Variants in HOMER1 observed in about 807,000 individuals in gnomAD.
HOMER1 encodes homer scaffold protein 1.
In HOMER1, 3 loss-of-function variants were observed where a neutral mutation model predicts 48.9. The observed-to-expected ratio is 0.06, with a 90% confidence interval of 0.03 to 0.16. HOMER1 has a LOEUF of 0.16. Ranked by LOEUF, HOMER1 falls within the 10% of genes least tolerant of loss-of-function variation. The pLI is 1.00. For synonymous variants in HOMER1, 134 were observed against 146.4 expected (o/e 0.92, Z 0.61); for missense variants, 247 against 411.4 (o/e 0.60, Z 3.46).
chr5:79,498,466 A>G (rs756020750), intron 1 of HOMER1, among the ~76,000 whole-genome samples: 2 of 152,236 alleles, frequency 1.3e-5, no homozygotes, highest in Non-Finnish European at 2.9e-5. Flanking sequence ...AGTTGCTAGT[A>G]GGAACTCAAA....
intron 1 of HOMER1, among the ~76,000 whole-genome samples, chr5:79,472,195 A>G (rs939504443): frequency 6.6e-6 from 1 of 152,234 alleles, no homozygotes; most frequent in African/African-American, 2.4e-5. Flanking sequence ...TAGTAAATGA[A>G]TGAATGCTTA....
intron 1 of HOMER1, among the ~76,000 whole-genome samples, chr5:79,500,956 A>T (rs575643213): frequency 0.029 from 1,843 of 62,936 alleles, 26 homozygotes; most frequent in African/African-American, 0.062. Flanking sequence ...TGTGTGTGAG[A>T]CAGACAGACA....
chr5:79,455,067 G>C (rs956435041), intron 2 of HOMER1, among the ~76,000 whole-genome samples: 1 of 151,416 alleles, frequency 6.6e-6, no homozygotes, highest in African/African-American at 2.4e-5. Context: ...AGTCTCCTGA[G>C]TAGCTAGGAC....
chr5:79,481,501 G>A (rs540196759), intron 1 of HOMER1, among the ~76,000 whole-genome samples: 1 of 152,288 alleles, frequency 6.6e-6, no homozygotes, highest in East Asian at 1.9e-4. Flanking sequence ...GGAGAGGTAA[G>A]GCAGCTAGAA....
intron 4 of HOMER1, among the ~76,000 whole-genome samples, chr5:79,444,372 T>C (rs546871729): frequency 6.6e-6 from 1 of 152,266 alleles, no homozygotes; most frequent in East Asian, 1.9e-4. Flanking sequence ...GGCTGATAAA[T>C]GCTTTTTAAA....
intron 1 of HOMER1, among the ~76,000 whole-genome samples, chr5:79,469,049 T>C (rs978450884): frequency 6.6e-6 from 1 of 152,168 alleles, no homozygotes; most frequent in Non-Finnish European, 1.5e-5. Context: ...TCAAACGACA[T>C]CTCATATATC....
intron 6 of HOMER1, among the ~76,000 whole-genome samples, chr5:79,399,277 G>T (rs1452709957): frequency 6.6e-6 from 1 of 152,164 alleles, no homozygotes; most frequent in Non-Finnish European, 1.5e-5. Flanking sequence ...CTGCAGTCTG[G>T]CTGCATTGCT....
chr5:79,399,599 A>G (rs1749482105), intron 6 of HOMER1, among the ~76,000 whole-genome samples: 1 of 152,190 alleles, frequency 6.6e-6, no homozygotes, highest in Admixed American at 6.5e-5. Context: ...AATTCTAACA[A>G]AGCATAAGTA....
Position 79,451,556 on chromosome 5 carries a change from C to CTTTTT in HOMER1, c.163-440_163-436dup, listed in dbSNP as rs71615542. Among the ~76,000 whole-genome samples the CTTTTT allele has an allele frequency of 7.4e-4, 48 of 64,640 alleles. 9 individuals are homozygous for CTTTTT. The highest frequency in any genetic ancestry group is 2.3e-3 in the African/African-American group (25 of 10,852). 42.4% of individuals were successfully genotyped at this position (64,640 alleles called of 152,430 possible). On this transcript the variant is annotated intron_variant, in intron 2 of 8. Coordinates refer to ENST00000334082, the MANE Select transcript of HOMER1 (RefSeq NM_004272.5). Reference sequence around the variant, plus strand: ...GAAAATATGCATAGAAAATATGACACTTTTTTTTTTTTTTTTTTTTTTTTT... The same window carrying CTTTTT: ...GAAAATATGCATAGAAAATATGACACTTTTTTTTTTTTTTTTTTTTTTTTTTTTTT...
intron 8 of HOMER1, among the ~76,000 whole-genome samples, chr5:79,393,246 A>G (rs1749298934): frequency 6.6e-6 from 1 of 152,212 alleles, no homozygotes; most frequent in South Asian, 2.1e-4. Flanking sequence ...AGCTAGTGAT[A>G]AGTACTAAAA....
chr5:79,419,650 T>A (rs543368761), intron 5 of HOMER1, among the ~76,000 whole-genome samples: 1 of 152,112 alleles, frequency 6.6e-6, no homozygotes, highest in South Asian at 2.1e-4. Context: ...TCTTCAAGAA[T>A]AATATTAAAA....
At chr5:79,472,750 G>C (rs1751657987) in intron 1 of HOMER1, among the ~76,000 whole-genome samples, 1 of 151,968 alleles carries the variant, frequency 6.6e-6, no homozygotes, top group Admixed American at 6.6e-5. Context: ...CTATACTCCA[G>C]CCTGGGCAAC....
chr5:79,437,905 C>T (rs1258764916), intron 5 of HOMER1, among the ~76,000 whole-genome samples: 1 of 152,182 alleles, frequency 6.6e-6, no homozygotes, highest in Non-Finnish European at 1.5e-5. Flanking sequence ...GATCCTCCTA[C>T]CTCAGCTTCC....
At chr5:79,427,577 C>T (rs767016579) in intron 5 of HOMER1, among the ~76,000 whole-genome samples, 1 of 152,178 alleles carries the variant, frequency 6.6e-6, no homozygotes, top group East Asian at 1.9e-4. Context: ...TTGGTAGAGA[C>T]GGGGTTTTGC....
chr5:79,383,218 A>G (rs1749025489), intron 8 of HOMER1, among the ~76,000 whole-genome samples: 1 of 152,104 alleles, frequency 6.6e-6, no homozygotes, highest in African/African-American at 2.4e-5. Context: ...CATAAAGTAA[A>G]TATTACTAGA....
intron 2 of HOMER1, 121 bp downstream of exon 2, chr5:79,456,741 G>C: frequency 2.3e-6 from 2 of 873,650 alleles, no homozygotes; most frequent in Non-Finnish European, 3.4e-6. Context: ...TTTCTTAAAA[G>C]TTTTAAGAAC....
intron 1 of HOMER1, among the ~76,000 whole-genome samples, chr5:79,472,782 A>C (rs892400697): frequency 6.6e-6 from 1 of 152,002 alleles, no homozygotes. Flanking sequence ...CTGTCTCTAA[A>C]AAAAATGTTT....
At chr5:79,488,360 T>C (rs1402098358) in intron 1 of HOMER1, among the ~76,000 whole-genome samples, 1 of 152,230 alleles carries the variant, frequency 6.6e-6, no homozygotes, top group Non-Finnish European at 1.5e-5. Flanking sequence ...CAATCCACTA[T>C]CCTTTTCCTC....
intron 1 of HOMER1, chr5:79,510,780 G>A: frequency 1.3e-6 from 1 of 757,244 alleles, no homozygotes; most frequent in East Asian, 2.4e-5. Context: ...AGGGGCTCAG[G>A]GTGTGCTGGC....
Sources: allele counts gnomAD v4.1 joint callset (sites outside exome capture counted in the v4.1 genomes callset), GRCh38; gene constraint gnomAD v4.1.1; transcripts MANE v1.5; gene names NCBI Gene and HGNC (gene_info 2026-07-23, HGNC 2026-07-21).